Variants in KMT2D observed in about 807,000 individuals in gnomAD.
KMT2D encodes the protein histone-lysine N-methyltransferase 2D.
KMT2D carries 55 observed loss-of-function variants against 512.7 expected under a neutral mutation model. That is an observed-to-expected ratio of 0.11 (90% CI 0.09 to 0.13). The LOEUF (loss-of-function observed/expected upper bound fraction) is 0.13, where lower values mean the gene tolerates loss of function less well. Ranked by LOEUF, KMT2D falls within the 10% of genes least tolerant of loss-of-function variation. The pLI, the probability that KMT2D is intolerant of heterozygous loss-of-function variation, is 1.00. For missense variants in KMT2D, 6,061 were observed against 7,127.9 expected, an observed-to-expected ratio of 0.85 and a Z score of 5.39; for synonymous variants, 2,995 against 2,904.0, an observed-to-expected ratio of 1.03 and a Z score of -1.01.
In KMT2D at chr12:49,020,566, G is replaced by T. The variant is rs1942270396; in HGVS notation, c.*1214C>A. 4.9e-6 allele frequency: 1 copy of T among 205,024 alleles called. No homozygotes were observed. Among genetic ancestry groups the T allele is most frequent in the East Asian group, 7.3e-5 (1 of 13,788 alleles). 12.7% of individuals were successfully genotyped at this position (205,024 alleles called of 1,614,324 possible). ...CTATGTACAATCCCATGTATAAATA[G>T]ATAAATACCCCCCACCCTCCCCGCG... On this transcript the variant is annotated 3_prime_UTR_variant, in exon 55 of 55. Transcript: ENST00000301067.
At chr12:49,045,788 C>T in intron 19 of KMT2D, 132 bp downstream of exon 19, 1 of 802,650 alleles carries the variant, frequency 1.2e-6, no homozygotes, top group Non-Finnish European at 2.1e-6. Flanking sequence ...TGACCTTGGG[C>T]AGGCCACTTA....
chr12:49,034,521 C>A (rs1943123570), intron 37 of KMT2D, 45 bp from the exon 38 acceptor site: 1 of 1,611,634 alleles, frequency 6.2e-7, no homozygotes, highest in South Asian at 1.1e-5. Context: ...CCCTGCTAGG[C>A]CCTAAGAAGG....
intron 43 of KMT2D, 148 bp downstream of exon 43, chr12:49,030,132 T>C (rs2120401768): frequency 1.5e-6 from 1 of 645,734 alleles, no homozygotes. Flanking sequence ...AAATCAGTCC[T>C]GAAAGGGCCC....
Position 49,038,076 on chromosome 12 carries a change from A to G in KMT2D, c.9280T>C (p.Leu3094=), listed in dbSNP as rs746374307. The G allele has an allele frequency of 5.0e-6, 8 of 1,613,420 alleles. No individual in the cohort carries two copies. The highest frequency in any genetic ancestry group is 6.8e-6 in the Non-Finnish European group (8 of 1,179,792). The change falls in exon 35 of 55, where the codon TTG becomes CTG. Residue 3094 remains leucine, a synonymous_variant. Transcript: ENST00000301067. This position sits in a 1 kb window ranked among gnomAD's most constrained non-coding sequence, Gnocchi z 5.7. ...ALLRGVEPGP[L]GPEERPPPAA... is the part of the protein sequence containing the mutation. ...GGGGGAGGGCGCTCCTCAGGGCCCA[A>G]GGGTCCTGGCTCCACCCCCCGCAGC...
At position 49,044,997 on chromosome 12, in the gene KMT2D, G is replaced by C. The variant is rs755724498; in HGVS notation, c.4742-32C>G. The C allele has an allele frequency of 6.3e-7, 1 of 1,585,290 alleles. No homozygotes were observed. Among genetic ancestry groups the C allele is most frequent in the South Asian group, 1.1e-5 (1 of 90,488 alleles). ...AAGAGGAAAGAGTATGTGATCCCTG[G>C]ATGGAAGCCCCAGGGAAACCAGAAC... On this transcript the variant is annotated intron_variant, in intron 19 of 54. Transcript: ENST00000301067. This position sits in a 1 kb window ranked among gnomAD's most constrained non-coding sequence, Gnocchi z 6.4.
Position 49,019,209 on chromosome 12 carries a change from A to C in KMT2D, c.*2571T>G. On this transcript the variant is annotated 3_prime_UTR_variant, in exon 55 of 55. Transcript: ENST00000301067. ...ACCAACCTTGCTGTACAGGATACACACAACACAAAATAAAGTCTTCACGGG... is the reference window on the plus strand; with the variant it reads ...ACCAACCTTGCTGTACAGGATACACCCAACACAAAATAAAGTCTTCACGGG... 9.9e-7 allele frequency: 1 copy of C among 1,013,594 alleles called. No individual in the cohort carries two copies. Among genetic ancestry groups the C allele is most frequent in the South Asian group, 4.2e-5 (1 of 24,080 alleles). The allele number at this position is 1,013,594 out of a possible 1,614,324, so 62.8% of individuals were successfully genotyped here.
At chr12:49,025,758 G>A (rs1295563944) in intron 49 of KMT2D, among the ~76,000 whole-genome samples, 2 of 152,118 alleles carry the variant, frequency 1.3e-5, no homozygotes, top group Admixed American at 6.5e-5. Flanking sequence ...GTGGCTCACA[G>A]TACACACTCA....
rs2120574845 is a variant in KMT2D at position 49,043,896 on chromosome 12, A to G, written c.5291T>C (p.Leu1764Pro). The G allele has an allele frequency of 6.2e-7, 1 of 1,614,078 alleles. No homozygotes were observed. Among genetic ancestry groups the G allele is most frequent in the Non-Finnish European group, 8.5e-7 (1 of 1,179,904 alleles). ...QQRRGRKKSK[L>P]EDMFPAYLQE... ...CAAGTAAGCAGGGAACATGTCCTCC[A>G]GTTTGCTCTTCTTGCGCCCTCGCCG... Residue 1764 changes from leucine (L) to proline (P), a missense_variant, in exon 23 of 55, where the codon CTG becomes CCG. Leu to Pro is a moderately conservative substitution (Grantham distance 98). This residue lies in a region of KMT2D where 640 missense variants were observed against 814.3 expected (regional missense o/e 0.79). Transcript: ENST00000301067.
chr12:49,043,753 G>A lies in KMT2D; in HGVS notation c.5349C>T (p.Asp1783=), dbSNP rs1943651007. ...CTGCAAAAAGGGCCTTACGGCTCAG[G>A]TCCAGCAGCTCCTTCCCAAAGAAGG... ...QEAFFGKELL[D]LSRKALFAVG... The change falls in exon 24 of 55, where the codon GAC becomes GAT. Residue 1783 remains aspartate, a synonymous_variant. Coordinates refer to ENST00000301067, the MANE Select transcript of KMT2D (RefSeq NM_003482.4). 1 of 1,613,320 alleles carries A rather than the reference G, an allele frequency of 6.2e-7. No homozygotes were observed. Among genetic ancestry groups the A allele is most frequent in the Non-Finnish European group, 8.5e-7 (1 of 1,179,444 alleles).
intron 1 of KMT2D, among the ~76,000 whole-genome samples, chr12:49,056,791 C>G (rs1938436841): frequency 6.6e-6 from 1 of 152,206 alleles, no homozygotes. Context: ...ATGACTGGGA[C>G]AGATGAGACA....
rs764085781 is a variant in KMT2D at position 49,039,340 on chromosome 12, C to T, written c.8248G>A (p.Gly2750Arg). 1 of 1,613,210 alleles carries T rather than the reference C, an allele frequency of 6.2e-7. No individual in the cohort carries two copies. ...AGTQDKSSLVGLPPSKLSGPI... is the reference protein window; with the variant it reads ...AGTQDKSSLVRLPPSKLSGPI... ...CCACTCAGCTTGCTTGGGGGCAACC[C>T]CACAAGGCTGCTCTTGTCCTAGAAG... Residue 2750 changes from glycine (G) to arginine (R), a missense_variant, in exon 34 of 55, where the codon GGG becomes AGG. Around this residue, in one of 16 missense-constraint regions of KMT2D, gnomAD observed 527 missense variants for 578.9 expected, o/e 0.91. Coordinates refer to ENST00000301067, the MANE Select transcript of KMT2D (RefSeq NM_003482.4). This position sits in a 1 kb window ranked among gnomAD's most constrained non-coding sequence, Gnocchi z 5.0.
intron 40 of KMT2D, 28 bp downstream of exon 40, chr12:49,031,147 C>G (rs1442348854): frequency 1.2e-6 from 2 of 1,607,534 alleles, no homozygotes; most frequent in African/African-American, 2.7e-5. Flanking sequence ...ACCCACTCTA[C>G]CTGCTCCACT....
chr12:49,053,836 G>T, intron 6 of KMT2D, 142 bp downstream of exon 6: 2 of 1,100,124 alleles, frequency 1.8e-6, no homozygotes, highest in Non-Finnish European at 2.6e-6. Context: ...AAACCCTGGT[G>T]CTCACAAAGT....
rs1284453169 is a variant in KMT2D at position 49,044,663 on chromosome 12, C to G, written c.4963+81G>C. On this transcript the variant is annotated intron_variant, in intron 20 of 54. Transcript: ENST00000301067. This position sits in a 1 kb window ranked among gnomAD's most constrained non-coding sequence, Gnocchi z 6.4. ...GCAGTGCTTAAGGGTAACTGAGTGG[C>G]AATGTAGCCCCCACCCAACATCCCA... 2.6e-6 allele frequency: 4 copies of G among 1,541,512 alleles called. No individual in the cohort carries two copies. The highest frequency in any genetic ancestry group is 3.5e-6 in the Non-Finnish European group (4 of 1,127,070).
At chr12:49,027,401 C>T (rs952369409) in intron 48 of KMT2D, 79 bp from the exon 49 acceptor site, 1 of 1,188,134 alleles carries the variant, frequency 8.4e-7, no homozygotes, top group Admixed American at 2.6e-5. Flanking sequence ...CATATGCCAC[C>T]CTCCCAAAAG....
At position 49,033,029 on chromosome 12, in the gene KMT2D, C is replaced by A; in HGVS notation, c.11676G>T (p.Gln3892His). The A allele has an allele frequency of 6.4e-7, 1 of 1,551,498 alleles. No individual in the cohort carries two copies. Among genetic ancestry groups the A allele is most frequent in the Non-Finnish European group, 8.7e-7 (1 of 1,146,942 alleles). ...GAAGCTGCTGTAAAGAGCCCATGGG[C>A]TGAGCGCTCAGTTTGGGCTGCCCAC... ...SHSGQPKLSAQPMGSLQQLQQ... is the reference protein window; with the variant it reads ...SHSGQPKLSAHPMGSLQQLQQ... Residue 3892 changes from glutamine to histidine, a missense_variant, in exon 40 of 55, where the codon CAG becomes CAT. Coordinates refer to ENST00000301067, the MANE Select transcript of KMT2D (RefSeq NM_003482.4).
rs1318878014 is a variant in KMT2D at position 49,046,153 on chromosome 12, C to G, written c.4605G>C (p.Glu1535Asp). Residue 1535 changes from glutamate (E) to aspartate (D), a missense_variant, in exon 18 of 55, where the codon GAG (glutamate) becomes GAC (aspartate). Coordinates refer to ENST00000301067, the MANE Select transcript of KMT2D (RefSeq NM_003482.4). This position sits in a 1 kb window ranked among gnomAD's most constrained non-coding sequence, Gnocchi z 4.2. Reference protein sequence around the residue: ...HCERWMHAGCESLFTEDDVEQ... With the variant: ...HCERWMHAGCDSLFTEDDVEQ... ...CCACATCGTCCTCTGTGAAGAGGCT[C>G]TCACAGCCTGCATGCATCCACCTGG... 2 of 1,611,448 alleles carry G rather than the reference C, an allele frequency of 1.2e-6. No individual in the cohort carries two copies. The highest frequency in any genetic ancestry group is 1.7e-6 in the Non-Finnish European group (2 of 1,178,700).
Position 49,031,297 on chromosome 12 carries a change from T to C in KMT2D, c.13408A>G (p.Lys4470Glu). Reference protein sequence around the residue: ...HLLLQKLLRAKNVQLSTGRGS... With the variant: ...HLLLQKLLRAENVQLSTGRGS... Reference sequence around the variant, plus strand: ...CGCCCAGTGCTGAGTTGCACATTCTTTGCCCGGAGTAGCTTCTGCAAGAGC... The same window carrying C: ...CGCCCAGTGCTGAGTTGCACATTCTCTGCCCGGAGTAGCTTCTGCAAGAGC... Residue 4470 changes from lysine (K) to glutamate (E), a missense_variant, in exon 40 of 55, where the codon AAG becomes GAG. This residue lies in a region of KMT2D where 1,600 missense variants were observed against 1,754.9 expected (regional missense o/e 0.91). Transcript: ENST00000301067. 6.2e-7 allele frequency: 1 copy of C among 1,613,578 alleles called. No homozygotes were observed. The highest frequency in any genetic ancestry group is 8.5e-7 in the Non-Finnish European group (1 of 1,179,902).
chr12:49,048,850 G>T, intron 13 of KMT2D, 81 bp from the exon 14 acceptor site: 1 of 951,452 alleles, frequency 1.1e-6, no homozygotes, highest in Non-Finnish European at 1.6e-6. Context: ...GTTGGGGGAA[G>T]AAAGTGTGAA....
Sources: gnomAD v4.1 joint callset for allele counts (sites outside exome capture counted in the v4.1 genomes callset) on GRCh38, gnomAD v4.1.1 for gene constraint, gnomAD v4.1.1 regional missense constraint, Gnocchi (gnomAD v3.1) non-coding constraint, MANE v1.5 for transcripts, NCBI Gene and HGNC (gene_info 2026-07-23, HGNC 2026-07-21) for gene names.